FAAH2: variants seen among roughly 807,000 people sequenced by gnomAD.
FAAH2 encodes fatty acid amide hydrolase 2, also known as fatty-acid amide hydrolase 2.
FAAH2 carries 60 observed loss-of-function variants against 36.9 expected under a neutral mutation model. The observed-to-expected ratio is 1.63, with a 90% CI of 1.32 to 2.02. FAAH2 has a LOEUF of 2.02. Among genes scored for constraint, FAAH2 ranks in the 30% most tolerant of loss-of-function variants. The pLI, the probability that FAAH2 is intolerant of heterozygous loss-of-function variation, is 0.00. For synonymous variants in FAAH2, 214 were observed against 143.8 expected (o/e 1.49, Z -3.49); for missense variants, 689 against 397.5 (o/e 1.73, Z -6.23).
At chrX:57,310,081 G>A (rs988346577) in intron 2 of FAAH2, among the ~76,000 whole-genome samples, 10 of 111,659 alleles carry the variant, frequency 9.0e-5, no homozygotes, top group African/African-American at 1.3e-4. Context: ...CTGTAGCCTC[G>A]GCAGCATCTG....
Position 57,408,717 on chromosome X carries a change from A to G in FAAH2, c.997-23201A>G, listed in dbSNP as rs781386574. On this transcript the variant is annotated intron_variant, in intron 7 of 10. Transcript: ENST00000374900. ...TGTGGGCTTGTGATATATGACCTTG[A>G]TTGTGTTGAGATACATTTCTTCTGT... Among the ~76,000 whole-genome samples, 7 of 110,688 alleles carry G rather than the reference A, an allele frequency of 6.3e-5. No homozygotes were observed. The Admixed American group carries it at 6.8e-4, about 11-fold the overall frequency.
the FAAH2 span, among the ~76,000 whole-genome samples, chrX:57,213,139 T>C: frequency 8.9e-6 from 1 of 111,869 alleles, no homozygotes; most frequent in African/African-American, 3.2e-5. Flanking sequence ...TAAAAGTCTC[T>C]GATTATGCTT....
intron 5 of FAAH2, among the ~76,000 whole-genome samples, chrX:57,352,032 ATATACATATATATATGTG>A (rs1446061534): frequency 0.11 from 1,217 of 10,899 alleles, 152 homozygotes; most frequent in South Asian, 0.57. Flanking sequence ...ATATATATAT[ATATACATATATATATGTG>A]TATATATATA....
chrX:57,302,273 T>G (rs2052395398), intron 2 of FAAH2, among the ~76,000 whole-genome samples: 1 of 112,049 alleles, frequency 8.9e-6, no homozygotes, highest in African/African-American at 3.2e-5. Context: ...CTGTGAATCT[T>G]TGTTTTATCC....
rs746205643 is a variant in FAAH2 at position 57,331,418 on chromosome X, A to G, written c.413-180A>G. On this transcript the variant is annotated intron_variant, in intron 3 of 10. Transcript: ENST00000374900. ...AGCCCAGCATCTGTGTCTTCCCTCCATCCACCCTCAATGCCTTCTCTCTGA... is the reference window on the plus strand; with the variant it reads ...AGCCCAGCATCTGTGTCTTCCCTCCGTCCACCCTCAATGCCTTCTCTCTGA... Among the ~76,000 whole-genome samples the G allele has an allele frequency of 2.7e-5, 3 of 109,290 alleles. No homozygotes were observed. In the East Asian group the frequency reaches 8.7e-4, roughly 32 times the overall value. The allele number at this position is 109,290 out of a possible 115,157, so 94.9% of individuals were successfully genotyped here.
intron 5 of FAAH2, among the ~76,000 whole-genome samples, chrX:57,377,464 G>A (rs187863611): frequency 3.7e-4 from 41 of 111,805 alleles, no homozygotes; most frequent in Non-Finnish European, 6.4e-4. Context: ...GTAGATGTGT[G>A]GCATTATATC....
At chrX:57,395,266 A>G (rs2055266477) in intron 7 of FAAH2, 1 of 647,290 alleles carries the variant, frequency 1.5e-6, no homozygotes, top group South Asian at 2.1e-5. Context: ...TAAAGATTGG[A>G]ATCATCTCTG....
chrX:57,352,069 CAT>C lies in FAAH2; in HGVS notation c.742+10688_742+10689del, dbSNP rs79486782. Among the ~76,000 whole-genome samples the C allele has an allele frequency of 1.7e-3, 27 of 15,774 alleles. 4 individuals are homozygous for C. The highest frequency in any genetic ancestry group is 2.3e-3 in the East Asian group (2 of 883). The allele number at this position is 15,774 out of a possible 115,157, so 13.7% of individuals were successfully genotyped here. On this transcript the variant is annotated intron_variant, in intron 5 of 10. Transcript: ENST00000374900. ...ATATGTGTATATATATATATATACA[CAT>C]ATATATATGTGTATATATATGCACA...
the FAAH2 span, among the ~76,000 whole-genome samples, chrX:57,161,748 G>T: frequency 9.0e-6 from 1 of 111,551 alleles, no homozygotes; most frequent in Non-Finnish European, 1.9e-5. Flanking sequence ...TTGAGCCTAT[G>T]TGTGTCTCTG....
intron 10 of FAAH2, 123 bp from the exon 11 acceptor site, chrX:57,488,634 T>A: frequency 1.5e-6 from 1 of 683,303 alleles, no homozygotes; most frequent in Non-Finnish European, 2.1e-6. Flanking sequence ...TATTATTAAG[T>A]CCTAAGTAGA....
the FAAH2 span, among the ~76,000 whole-genome samples, chrX:57,241,712 T>G: frequency 2.7e-5 from 3 of 111,802 alleles, no homozygotes. Flanking sequence ...TTTCCCCTTG[T>G]GTCCACAAAG....
the FAAH2 span, among the ~76,000 whole-genome samples, chrX:57,147,153 A>G: frequency 2.7e-5 from 3 of 111,591 alleles, 1 homozygote; most frequent in South Asian, 1.1e-3. Context: ...TGTTCTTTCA[A>G]TGTCTGATAG....
At chrX:57,226,459 G>A in the FAAH2 span, among the ~76,000 whole-genome samples, 1 of 111,933 alleles carries the variant, frequency 8.9e-6, no homozygotes, top group African/African-American at 3.2e-5. Context: ...TTTTGTTTGA[G>A]AAGGCTGAAG....
chrX:57,445,746 C>T (rs748367798), intron 8 of FAAH2, among the ~76,000 whole-genome samples: 5 of 112,392 alleles, frequency 4.4e-5, no homozygotes, highest in Non-Finnish European at 9.4e-5. Flanking sequence ...TTCCCAAAGC[C>T]ACAGAAGTCT....
At chrX:57,187,813 A>G in the FAAH2 span, among the ~76,000 whole-genome samples, 11 of 111,300 alleles carry the variant, frequency 9.9e-5, no homozygotes, top group South Asian at 3.9e-3. Context: ...TTCTGCATCT[A>G]TTGAGATAAT....
the FAAH2 span, among the ~76,000 whole-genome samples, chrX:57,163,147 G>T: frequency 8.9e-6 from 1 of 111,778 alleles, no homozygotes; most frequent in Non-Finnish European, 1.9e-5. Context: ...GCCCCTGCTG[G>T]GGGGTGACTC....
At position 57,448,660 on chromosome X, in the gene FAAH2, C is replaced by T. The variant is rs773292478; in HGVS notation, c.1365C>T (p.Pro455=). The change falls in exon 10 of 11, where the codon CCC becomes CCT. Residue 455 remains proline, a synonymous_variant. Coordinates refer to ENST00000374900, the MANE Select transcript of FAAH2 (RefSeq NM_174912.4). ...DDGVFLYPSH[P]TVAPKHHVPL... The stretch of plus-strand genomic sequence containing the variant: ...GTGTGTTCTTATATCCCTCACATCC[C>T]ACAGTGGCACCTAAGCATCATGTCC... The T allele has an allele frequency of 1.7e-6, 2 of 1,211,375 alleles. No homozygotes were observed. Among genetic ancestry groups the T allele is most frequent in the Admixed American group, 4.4e-5 (2 of 45,971 alleles).
At chrX:57,314,054 C>T (rs1202338978) in intron 3 of FAAH2, among the ~76,000 whole-genome samples, 1 of 111,490 alleles carries the variant, frequency 9.0e-6, no homozygotes, top group Non-Finnish European at 1.9e-5. Context: ...ATCTATCATG[C>T]AAACAGGAAA....
At chrX:57,159,568 T>C in the FAAH2 span, among the ~76,000 whole-genome samples, 1 of 110,904 alleles carries the variant, frequency 9.0e-6, no homozygotes, top group Non-Finnish European at 1.9e-5. Context: ...CCCTTGTAAG[T>C]TGGATTCCTA....
Sources: gnomAD v4.1 joint callset for allele counts (sites outside exome capture counted in the v4.1 genomes callset) on GRCh38, gnomAD v4.1.1 for gene constraint, MANE v1.5 for transcripts, NCBI Gene and HGNC (gene_info 2026-07-23, HGNC 2026-07-21) for gene names.